The following FOXP1 variants were observed in gnomAD, a reference collection of about 807,000 sequenced individuals.
The protein encoded by FOXP1 is forkhead box protein P1.
Under a neutral mutation model 98.2 loss-of-function variants are expected in FOXP1, and 15 were observed. The ratio of observed to expected loss-of-function variants is 0.15; its 90% CI spans 0.10 to 0.24. The LOEUF is 0.24. Among genes scored for constraint, FOXP1 ranks in the 10% least tolerant of loss-of-function variants. FOXP1 has a pLI of 1.00. For missense variants in FOXP1, 633 were observed against 848.5 expected (o/e 0.75, Z 3.15); for synonymous variants, 371 against 314.5 (o/e 1.18, Z -1.90).
At chr3:71,260,185 G>T (rs1221638956) in intron 5 of FOXP1, among the ~76,000 whole-genome samples, 2 of 152,086 alleles carry the variant, frequency 1.3e-5, no homozygotes, top group Non-Finnish European at 2.9e-5. Flanking sequence ...GGGTTTCACC[G>T]TGTTAGCCAG....
At chr3:71,248,177 G>C (rs747285506) in intron 5 of FOXP1, among the ~76,000 whole-genome samples, 2 of 152,150 alleles carry the variant, frequency 1.3e-5, no homozygotes, top group Non-Finnish European at 2.9e-5. Flanking sequence ...TGCCACACAG[G>C]AGCCCAAAAT....
At chr3:71,192,944 G>A (rs760175936) in intron 6 of FOXP1, among the ~76,000 whole-genome samples, 34 of 151,990 alleles carry the variant, frequency 2.2e-4, no homozygotes, top group Non-Finnish European at 4.0e-4. Flanking sequence ...GACACTGCAC[G>A]CAGCCTGCTT....
intron 6 of FOXP1, among the ~76,000 whole-genome samples, chr3:71,150,974 G>A (rs1453996194): frequency 1.3e-5 from 2 of 152,144 alleles, no homozygotes; most frequent in Non-Finnish European, 1.5e-5. Flanking sequence ...CAAAGGGAAG[G>A]CATATGGGGG....
intron 6 of FOXP1, among the ~76,000 whole-genome samples, chr3:71,137,067 A>G (rs1259006841): frequency 6.6e-6 from 1 of 152,294 alleles, no homozygotes; most frequent in East Asian, 1.9e-4. Flanking sequence ...ATCCTTTGGC[A>G]GGGATGGAAA....
chr3:71,153,260 C>G (rs2060660916), intron 6 of FOXP1, among the ~76,000 whole-genome samples: 1 of 152,166 alleles, frequency 6.6e-6, no homozygotes, highest in Admixed American at 6.5e-5. Flanking sequence ...AATATACCAG[C>G]AGGAATACCC....
chr3:71,337,403 CT>C (rs2076749428), intron 4 of FOXP1, among the ~76,000 whole-genome samples: 2 of 152,120 alleles, frequency 1.3e-5, no homozygotes, highest in Non-Finnish European at 2.9e-5. Context: ...CAATGGCTAC[CT>C]TTTATACAGT....
In FOXP1 at chr3:70,985,369, G is replaced by A. The variant is rs1006919694; in HGVS notation, c.1146+2625C>T. On this transcript the variant is annotated intron_variant, in intron 14 of 20. Coordinates refer to ENST00000649528, the MANE Select transcript of FOXP1 (RefSeq NM_001349338.3). ...AAGTTGAAAGCATCAAGGGTTTGCT[G>A]TATGTGTGTGCCCTTTTTTTTTTCT... Among the ~76,000 whole-genome samples, 4 of 152,124 alleles carry A rather than the reference G, an allele frequency of 2.6e-5. No individual in the cohort carries two copies. In the East Asian group the frequency reaches 5.8e-4, roughly 22 times the overall value.
chr3:71,501,526 C>G (rs1355126496), intron 2 of FOXP1, among the ~76,000 whole-genome samples: 1 of 152,066 alleles, frequency 6.6e-6, no homozygotes, highest in African/African-American at 2.4e-5. Flanking sequence ...ATCTCCTGAC[C>G]TCATGATCCA....
chr3:71,082,487 G>A (rs1245958944), intron 7 of FOXP1, among the ~76,000 whole-genome samples: 2 of 144,666 alleles, frequency 1.4e-5, no homozygotes, highest in Admixed American at 6.9e-5. Flanking sequence ...GGGGTGGGGG[G>A]TAGGGGAGGG....
At position 71,086,508 on chromosome 3, in the gene FOXP1, C is replaced by T. The variant is rs1166882322; in HGVS notation, c.282+26028G>A. Among the ~76,000 whole-genome samples the T allele has an allele frequency of 8.5e-5, 13 of 152,258 alleles. No individual in the cohort carries two copies. In the South Asian group the frequency reaches 1.0e-3, roughly 12 times the overall value. ...TAAATGTCATGATAATTTTATTCTT[C>T]GGGAATCTAAAATTGCTGTTGCCTT... On this transcript the variant is annotated intron_variant, in intron 7 of 20. Coordinates refer to ENST00000649528, the MANE Select transcript of FOXP1 (RefSeq NM_001349338.3).
At chr3:71,491,748 G>A (rs764957349) in intron 3 of FOXP1, among the ~76,000 whole-genome samples, 8 of 152,020 alleles carry the variant, frequency 5.3e-5, no homozygotes, top group African/African-American at 1.4e-4. Context: ...TATTTGAGCC[G>A]GTTGCTTCAC....
intron 19 of FOXP1, among the ~76,000 whole-genome samples, chr3:70,967,700 G>GTTTTTGTTTTTTTTTTTTTTTTTT (rs2035203703): frequency 1.6e-5 from 1 of 63,628 alleles, no homozygotes; most frequent in African/African-American, 5.4e-5. Flanking sequence ...TTTTTTTTTT[G>GTTTTTGTTTTTTTTTTTTTTTTTT]TTTTTTTTTG....
rs149343220 is a variant in FOXP1, at chr3:71,157,275, G to A, written c.180+40927C>T. ...GGTTCAGGAGAGGGAGGGGATGGAG[G>A]AGAGAATAACACAGAAAGGACTTCT... On this transcript the variant is annotated intron_variant, in intron 6 of 20. Transcript: ENST00000649528. Among the ~76,000 whole-genome samples the A allele has an allele frequency of 6.7e-4, 102 of 152,288 alleles. No individual in the cohort carries two copies. The East Asian group carries it at 0.018, about 27-fold the overall frequency.
intron 7 of FOXP1, among the ~76,000 whole-genome samples, chr3:71,083,364 T>C (rs977351890): frequency 1.1e-4 from 16 of 152,208 alleles, no homozygotes; most frequent in Middle Eastern, 3.2e-3. Flanking sequence ...GCTGGCACCA[T>C]GTTAATGCAG....
intron 3 of FOXP1, among the ~76,000 whole-genome samples, chr3:71,403,201 T>A (rs1028095808): frequency 6.6e-6 from 1 of 152,224 alleles, no homozygotes; most frequent in African/African-American, 2.4e-5. Flanking sequence ...CATGTGTTCA[T>A]GTGTGGCGTG....
chr3:70,959,521 A>T, intron 20 of FOXP1, 130 bp from the exon 21 acceptor site: 1 of 943,582 alleles, frequency 1.1e-6, no homozygotes, highest in South Asian at 1.4e-5. Flanking sequence ...TGTTACCATT[A>T]GCCACACGTG....
At chr3:71,295,236 A>G (rs1185842228) in intron 5 of FOXP1, among the ~76,000 whole-genome samples, 1 of 152,228 alleles carries the variant, frequency 6.6e-6, no homozygotes, top group Non-Finnish European at 1.5e-5. Flanking sequence ...TAATGGTCAC[A>G]TAATTCAAAT....
chr3:71,072,826 AG>A (rs1385333269), intron 7 of FOXP1, among the ~76,000 whole-genome samples: 1 of 152,190 alleles, frequency 6.6e-6, no homozygotes, highest in Non-Finnish European at 1.5e-5. Context: ...TGCTACTGAT[AG>A]GGGGTGCCTT....
At chr3:71,474,213 T>C (rs2089614857) in intron 3 of FOXP1, among the ~76,000 whole-genome samples, 1 of 152,200 alleles carries the variant, frequency 6.6e-6, no homozygotes, top group Non-Finnish European at 1.5e-5. Context: ...AAGCATAGTA[T>C]AATTGATCAT....
Sources: allele counts gnomAD v4.1 joint callset (sites outside exome capture counted in the v4.1 genomes callset), GRCh38; gene constraint gnomAD v4.1.1; transcripts MANE v1.5; gene names NCBI Gene and HGNC (gene_info 2026-07-23, HGNC 2026-07-21).